Variants in UBE2E2 observed in about 807,000 individuals in gnomAD.
UBE2E2 encodes the protein ubiquitin conjugating enzyme E2 E2.
In UBE2E2, 6 loss-of-function variants were observed where a neutral mutation model predicts 24.7. The ratio of observed to expected loss-of-function variants is 0.24; its 90% confidence interval spans 0.13 to 0.48. The LOEUF is 0.48. UBE2E2 is among the 20% of genes least tolerant of loss of function. The pLI, the probability that UBE2E2 is intolerant of heterozygous loss-of-function variation, is 0.99. For missense variants in UBE2E2, 169 were observed against 245.0 expected (o/e 0.69, Z 2.07); for synonymous variants, 104 against 83.6 (o/e 1.24, Z -1.33).
intron 3 of UBE2E2, among the ~76,000 whole-genome samples, chr3:23,420,820 T>C (rs549907598): frequency 1.3e-3 from 205 of 152,350 alleles, no homozygotes; most frequent in African/African-American, 4.7e-3. Context: ...GACTGATCTT[T>C]ACATGTATAT....
chr3:23,288,854 G>C (rs866320091), intron 3 of UBE2E2, among the ~76,000 whole-genome samples: 1 of 152,098 alleles, frequency 6.6e-6, no homozygotes, highest in Non-Finnish European at 1.5e-5. Context: ...ATAGGAAGTA[G>C]CATACAAAAA....
intron 3 of UBE2E2, among the ~76,000 whole-genome samples, chr3:23,229,733 G>A (rs917503651): frequency 6.6e-6 from 1 of 152,200 alleles, no homozygotes; most frequent in African/African-American, 2.4e-5. Flanking sequence ...AGGACTTTCT[G>A]TTATGATAGA....
At chr3:23,406,938 A>G (rs1309195568) in intron 3 of UBE2E2, among the ~76,000 whole-genome samples, 1 of 152,216 alleles carries the variant, frequency 6.6e-6, no homozygotes, top group African/African-American at 2.4e-5. Context: ...TTATGAAGTC[A>G]GTGTCCCCCA....
intron 5 of UBE2E2, among the ~76,000 whole-genome samples, chr3:23,552,443 A>G (rs544946501): frequency 1.2e-4 from 18 of 152,192 alleles, no homozygotes; most frequent in Non-Finnish European, 2.1e-4. Flanking sequence ...GTAGATCTGG[A>G]TTTCATGATA....
intron 3 of UBE2E2, among the ~76,000 whole-genome samples, chr3:23,420,075 C>G (rs1697758616): frequency 6.6e-6 from 1 of 152,162 alleles, no homozygotes; most frequent in Admixed American, 6.5e-5. Flanking sequence ...GAGAGAGAGT[C>G]TATCATGAAA....
chr3:23,234,145 ATC>A (rs1697038354), intron 3 of UBE2E2, among the ~76,000 whole-genome samples: 1 of 150,606 alleles, frequency 6.6e-6, no homozygotes, highest in South Asian at 2.1e-4. Context: ...TGCTGACAAA[ATC>A]TCTGTACAGA....
At chr3:23,468,382 T>C (rs1282909870) in intron 3 of UBE2E2, among the ~76,000 whole-genome samples, 2 of 152,260 alleles carry the variant, frequency 1.3e-5, no homozygotes, top group African/African-American at 4.8e-5. Flanking sequence ...TTTTCCCATA[T>C]TATCTACAAT....
intron 3 of UBE2E2, among the ~76,000 whole-genome samples, chr3:23,326,909 T>A (rs1377552111): frequency 6.6e-6 from 1 of 151,900 alleles, no homozygotes; most frequent in Admixed American, 6.6e-5. Context: ...TACCTATGAG[T>A]GAGAACATGC....
chr3:23,525,157 C>T (rs1299746267), intron 4 of UBE2E2, among the ~76,000 whole-genome samples: 2 of 152,120 alleles, frequency 1.3e-5, no homozygotes, highest in African/African-American at 2.4e-5. Context: ...CCCTGATCCT[C>T]GTGCCTCTCT....
At chr3:23,524,227 T>A (rs2125477810) in intron 4 of UBE2E2, among the ~76,000 whole-genome samples, 1 of 152,208 alleles carries the variant, frequency 6.6e-6, no homozygotes, top group South Asian at 2.1e-4. Context: ...TGTATTAAAA[T>A]TTTTTTTATA....
intron 3 of UBE2E2, among the ~76,000 whole-genome samples, chr3:23,481,009 A>G (rs1699247814): frequency 6.6e-6 from 1 of 151,968 alleles, no homozygotes; most frequent in Non-Finnish European, 1.5e-5. Context: ...GTATTCTTTG[A>G]TTCAAAATTA....
At chr3:23,524,387 T>C (rs988260925) in intron 4 of UBE2E2, among the ~76,000 whole-genome samples, 3 of 152,198 alleles carry the variant, frequency 2.0e-5, no homozygotes, top group African/African-American at 7.2e-5. Context: ...CTAATACTCA[T>C]TGGATTCCTG....
At chr3:23,383,179 G>T (rs905988843) in intron 3 of UBE2E2, among the ~76,000 whole-genome samples, 2 of 152,094 alleles carry the variant, frequency 1.3e-5, no homozygotes, top group Non-Finnish European at 2.9e-5. Context: ...AGGGACTCAG[G>T]GTTTTAACTT....
At position 23,552,417 on chromosome 3, in the gene UBE2E2, G is replaced by A. The variant is rs577862375; in HGVS notation, c.508+19716G>A. On this transcript the variant is annotated intron_variant, in intron 5 of 5. Transcript: ENST00000396703. ...TCTGCATCATGTACCAATTCCCAGG[G>A]GACTGAGGGTGTTGAGTAGATCTGG... is the stretch of plus-strand genomic sequence containing the variant. Among the ~76,000 whole-genome samples, 5 of 152,220 alleles carry A rather than the reference G, an allele frequency of 3.3e-5. No homozygotes were observed. In the South Asian group the frequency reaches 1.0e-3, roughly 32 times the overall value.
At chr3:23,542,880 C>T (rs1220153440) in intron 5 of UBE2E2, among the ~76,000 whole-genome samples, 2 of 152,158 alleles carry the variant, frequency 1.3e-5, no homozygotes, top group African/African-American at 4.8e-5. Flanking sequence ...TGGCTTTGAC[C>T]TGCTTTTGCT....
chr3:23,279,968 T>C (rs1698452121), intron 3 of UBE2E2, among the ~76,000 whole-genome samples: 1 of 152,236 alleles, frequency 6.6e-6, no homozygotes, highest in Non-Finnish European at 1.5e-5. Flanking sequence ...TGTTGACAGT[T>C]ACCTTTGTTA....
intron 5 of UBE2E2, among the ~76,000 whole-genome samples, chr3:23,543,133 G>C (rs1050280975): frequency 1.1e-4 from 16 of 152,114 alleles, no homozygotes; most frequent in Admixed American, 1.0e-3. Context: ...AGGCAACAAA[G>C]TGAGACCCTG....
At chr3:23,493,662 A>G (rs991128296) in intron 3 of UBE2E2, among the ~76,000 whole-genome samples, 2 of 152,214 alleles carry the variant, frequency 1.3e-5, no homozygotes, top group African/African-American at 2.4e-5. Context: ...CATTCTATTC[A>G]TTGATAATTT....
intron 5 of UBE2E2, among the ~76,000 whole-genome samples, chr3:23,581,316 G>A (rs1293184750): frequency 2.6e-5 from 4 of 152,102 alleles, no homozygotes; most frequent in Admixed American, 2.6e-4. Context: ...TATTTAAAAA[G>A]CTGAAAGTCA....
Sources: allele counts gnomAD v4.1 joint callset (sites outside exome capture counted in the v4.1 genomes callset), GRCh38; gene constraint gnomAD v4.1.1; transcripts MANE v1.5; gene names NCBI Gene and HGNC (gene_info 2026-07-23, HGNC 2026-07-21).